Variants in TBC1D4 observed in about 807,000 individuals in gnomAD.
The protein encoded by TBC1D4 is TBC1 domain family member 4.
TBC1D4 carries 121 observed loss-of-function variants against 142.5 expected under a neutral mutation model. The ratio of observed to expected loss-of-function variants is 0.85; its 90% confidence interval spans 0.73 to 0.99. The LOEUF is 0.99. TBC1D4 is among the 50% of genes least tolerant of loss of function. The pLI, the probability that TBC1D4 is intolerant of heterozygous loss-of-function variation, is 0.00. For missense variants in TBC1D4, 1,475 were observed against 1,606.6 expected, an observed-to-expected ratio of 0.92 and a Z score of 1.40; for synonymous variants, 630 against 628.2, an observed-to-expected ratio of 1.00 and a Z score of -0.04.
intron 4 of TBC1D4, among the ~76,000 whole-genome samples, chr13:75,350,648 A>C (rs576810): frequency 0.9 from 137,358 of 152,238 alleles, 61,956 homozygotes; most frequent in South Asian, 0.94. Flanking sequence ...TCCTTTATTT[A>C]TTCTTTCTTG....
chr13:75,328,727 T>A (rs8002876), intron 8 of TBC1D4, among the ~76,000 whole-genome samples: 49,405 of 152,048 alleles, frequency 0.32, 9,293 homozygotes, highest in Non-Finnish European at 0.43. Flanking sequence ...CCCTGCGAAA[T>A]TTTTTAACAA....
chr13:75,450,497 A>G lies in TBC1D4; in HGVS notation c.498+30773T>C, dbSNP rs374982094. ...TGTTTTCTGGCTTTTTTTCCAGGAA[A>G]TTTCAAATAGAAAGGACGAAATTGG... is the stretch of plus-strand genomic sequence containing the variant. On this transcript the variant is annotated intron_variant, in intron 1 of 20. Transcript: ENST00000377636. 6.6e-5 allele frequency among the ~76,000 whole-genome samples: 10 copies of G among 152,242 alleles called. No homozygotes were observed. The East Asian group carries it at 1.9e-3, about 29-fold the overall frequency.
intron 3 of TBC1D4, among the ~76,000 whole-genome samples, chr13:75,357,742 C>T (rs1220116086): frequency 6.6e-6 from 1 of 152,140 alleles, no homozygotes; most frequent in Non-Finnish European, 1.5e-5. Context: ...CTGAAAACAG[C>T]CACATTATAT....
At chr13:75,341,337 G>C in intron 6 of TBC1D4, 102 bp from the exon 7 acceptor site, 2 of 1,331,076 alleles carry the variant, frequency 1.5e-6, no homozygotes, top group Admixed American at 1.8e-5. Flanking sequence ...TTTTAACTTC[G>C]CTCAGAAGCA....
chr13:75,386,533 C>A (rs1370270736), intron 1 of TBC1D4, among the ~76,000 whole-genome samples: 1 of 151,698 alleles, frequency 6.6e-6, no homozygotes, highest in Admixed American at 6.6e-5. Flanking sequence ...GGACTACAGG[C>A]ATCCGCCACC....
intron 8 of TBC1D4, 87 bp downstream of exon 8, chr13:75,336,834 A>C: frequency 6.9e-7 from 1 of 1,447,960 alleles, no homozygotes. Flanking sequence ...TTTTGTTTTA[A>C]GGAAATCAGT....
intron 1 of TBC1D4, among the ~76,000 whole-genome samples, chr13:75,382,714 C>T (rs1477420406): frequency 6.6e-6 from 1 of 152,112 alleles, no homozygotes. Context: ...GAAAAGTTAG[C>T]TTCTGAATTG....
At chr13:75,296,382 G>A (rs74403976) in intron 17 of TBC1D4, among the ~76,000 whole-genome samples, 4 of 152,196 alleles carry the variant, frequency 2.6e-5, no homozygotes, top group East Asian at 1.9e-4. Context: ...AAGAAAGCAC[G>A]TCATCAAAAG....
chr13:75,341,610 G>A lies in TBC1D4; in HGVS notation c.1409-23C>T. The A allele has an allele frequency of 1.9e-6, 3 of 1,569,272 alleles. No homozygotes were observed. The South Asian group carries it at 3.3e-5, about 17-fold the overall frequency. Reference sequence around the variant, plus strand: ...GACCTAAGGAAAATGATGAGGGAAGGTATTAAACAGAGTCTAGCAGCAGAG... The same window carrying A: ...GACCTAAGGAAAATGATGAGGGAAGATATTAAACAGAGTCTAGCAGCAGAG... On this transcript the variant is annotated intron_variant, in intron 5 of 20. Transcript: ENST00000377636.
At chr13:75,326,152 G>A (rs781083580) in intron 10 of TBC1D4, 45 bp downstream of exon 10, 23 of 1,600,132 alleles carry the variant, frequency 1.4e-5, no homozygotes, top group Middle Eastern at 3.3e-4. Flanking sequence ...TCAAAACTGT[G>A]TGCCTTGAGA....
chr13:75,303,602 C>T (rs941594908), intron 15 of TBC1D4, among the ~76,000 whole-genome samples: 11 of 152,114 alleles, frequency 7.2e-5, no homozygotes, highest in East Asian at 1.9e-4. Flanking sequence ...CACATTGAAT[C>T]GGCAATGGGT....
chr13:75,429,603 GATAAA>G (rs1285028514), intron 1 of TBC1D4, among the ~76,000 whole-genome samples: 3 of 152,068 alleles, frequency 2.0e-5, no homozygotes, highest in African/African-American at 7.2e-5. Context: ...AATTTGGCAA[GATAAA>G]ATAAAAGGTT....
At chr13:75,462,846 C>T (rs1003256564) in intron 1 of TBC1D4, among the ~76,000 whole-genome samples, 5 of 152,050 alleles carry the variant, frequency 3.3e-5, no homozygotes, top group African/African-American at 4.8e-5. Flanking sequence ...CTTGTAACAC[C>T]GCTCATAATT....
rs1883718060 is a variant in TBC1D4 at position 75,379,885 on chromosome 13, C to CTTTTTTTTTTTTTTTTTTTTTTTT, written c.499-17279_499-17278insAAAAAAAAAAAAAAAAAAAAAAAA. ...AAGTATATCAGTTTTGTTCATCTGA[C>CTTTTTTTTTTTTTTTTTTTTTTTT]TCTTTTTTTTTTTTTTTTTTTTTTT... On this transcript the variant is annotated intron_variant, in intron 1 of 20. Coordinates refer to ENST00000377636, the MANE Select transcript of TBC1D4 (RefSeq NM_014832.5). Among the ~76,000 whole-genome samples, 7 of 98,536 alleles carry CTTTTTTTTTTTTTTTTTTTTTTTT rather than the reference C, an allele frequency of 7.1e-5. 3 individuals carry two copies. The highest frequency in any genetic ancestry group is 2.5e-4 in the Admixed American group (2 of 8,076). 64.6% of individuals were successfully genotyped at this position (98,536 alleles called of 152,430 possible).
rs367935790 is a variant in TBC1D4 at position 75,367,639 on chromosome 13, G to T, written c.499-5032C>A. Among the ~76,000 whole-genome samples the T allele has an allele frequency of 1.8e-4, 27 of 152,248 alleles. No homozygotes were observed. In the East Asian group the frequency reaches 2.1e-3, roughly 12 times the overall value. On this transcript the variant is annotated intron_variant, in intron 1 of 20. Transcript: ENST00000377636. ...ACTCAAACAGAGACAGTATGGAAAA[G>T]AAATATATTTGGTTTGGAAGTAATG...
chr13:75,314,559 G>A (rs778196050), intron 12 of TBC1D4, among the ~76,000 whole-genome samples: 2 of 152,106 alleles, frequency 1.3e-5, no homozygotes, highest in South Asian at 2.1e-4. Context: ...GTATTATGAC[G>A]TGATACTTTA....
In TBC1D4 at chr13:75,393,927, C is replaced by CAAAA. The variant is rs57675298; in HGVS notation, c.499-31324_499-31321dup. ...GGGCAACAAGAGCAAAACTCTGTCTCAAAAAAAAAAAAACAAAAAAACAAA... is the reference window on the plus strand; with the variant it reads ...GGGCAACAAGAGCAAAACTCTGTCTCAAAAAAAAAAAAAAAAACAAAAAAACAAA... On this transcript the variant is annotated intron_variant, in intron 1 of 20. Coordinates refer to ENST00000377636, the MANE Select transcript of TBC1D4 (RefSeq NM_014832.5). Among the ~76,000 whole-genome samples the CAAAA allele has an allele frequency of 9.1e-3, 1,242 of 135,984 alleles. 32 individuals are homozygous for CAAAA. Among genetic ancestry groups the CAAAA allele is most frequent in the African/African-American group, 0.032 (1,182 of 37,252 alleles). 89.2% of individuals were successfully genotyped at this position (135,984 alleles called of 152,430 possible). A position where few individuals can be genotyped will look rare whatever the true frequency, so the allele number is the denominator to read the frequency against.
intron 7 of TBC1D4, among the ~76,000 whole-genome samples, chr13:75,340,657 T>C (rs1880607107): frequency 6.6e-6 from 1 of 152,056 alleles, no homozygotes; most frequent in South Asian, 2.1e-4. Flanking sequence ...TCAAATTCCC[T>C]ATAAAATGGC....
chr13:75,437,158 T>C (rs79516891), intron 1 of TBC1D4, among the ~76,000 whole-genome samples: 173 of 152,308 alleles, frequency 1.1e-3, no homozygotes, highest in African/African-American at 4.0e-3. Flanking sequence ...TAAAGGGGTA[T>C]TACTGAGATC....
Sources: gnomAD v4.1 joint callset for allele counts (sites outside exome capture counted in the v4.1 genomes callset) on GRCh38, gnomAD v4.1.1 for gene constraint, MANE v1.5 for transcripts, NCBI Gene and HGNC (gene_info 2026-07-23, HGNC 2026-07-21) for gene names.